PRDM5: variants seen among roughly 807,000 people sequenced by gnomAD.
PRDM5 encodes the protein PR domain zinc finger protein 5.
Under a neutral mutation model 81.2 loss-of-function variants are expected in PRDM5, and 56 were observed. The observed-to-expected ratio is 0.69, with a 90% CI of 0.56 to 0.86. PRDM5 has a LOEUF of 0.86. Among genes scored for constraint, PRDM5 ranks in the 40% least tolerant of loss-of-function variants. The pLI, the probability that PRDM5 is intolerant of heterozygous loss-of-function variation, is 0.00. For missense variants in PRDM5, 697 were observed against 770.1 expected (o/e 0.91, Z 1.12); for synonymous variants, 267 against 256.4 (o/e 1.04, Z -0.39).
chr4:120,845,175 G>T (rs1758517652), intron 3 of PRDM5, among the ~76,000 whole-genome samples: 1 of 152,220 alleles, frequency 6.6e-6, no homozygotes, highest in African/African-American at 2.4e-5. Flanking sequence ...AGAAGCTGCA[G>T]CAAGTTATCC....
chr4:120,721,937 C>A (rs1418715796), intron 14 of PRDM5, among the ~76,000 whole-genome samples: 1 of 152,170 alleles, frequency 6.6e-6, no homozygotes, highest in African/African-American at 2.4e-5. Context: ...ATGGTGGGCA[C>A]GCGGGTGCCC....
intron 14 of PRDM5, among the ~76,000 whole-genome samples, chr4:120,714,574 C>T (rs1737481333): frequency 6.6e-6 from 1 of 152,112 alleles, no homozygotes; most frequent in African/African-American, 2.4e-5. Flanking sequence ...TGAAAATATT[C>T]TAGGCATTTA....
intron 14 of PRDM5, among the ~76,000 whole-genome samples, chr4:120,750,719 C>T (rs1966080): frequency 0.053 from 6,949 of 131,592 alleles, 322 homozygotes; most frequent in Middle Eastern, 0.17. Context: ...CACACACACA[C>T]GCGCACACAA....
chr4:120,908,996 T>C (rs1480183848), intron 1 of PRDM5, among the ~76,000 whole-genome samples: 2 of 152,136 alleles, frequency 1.3e-5, no homozygotes, highest in Non-Finnish European at 2.9e-5. Flanking sequence ...TGATGGCAGG[T>C]AGGAAAAGCT....
intron 8 of PRDM5, among the ~76,000 whole-genome samples, chr4:120,807,279 G>A (rs930865970): frequency 6.6e-6 from 1 of 152,228 alleles, no homozygotes; most frequent in African/African-American, 2.4e-5. Context: ...AACCATTGTG[G>A]AAGACAGTGT....
intron 3 of PRDM5, among the ~76,000 whole-genome samples, chr4:120,840,493 G>A (rs115294050): frequency 6.6e-6 from 1 of 152,118 alleles, no homozygotes; most frequent in Admixed American, 6.5e-5. Flanking sequence ...CAGCAGGGTG[G>A]GTACAGTGAC....
At chr4:120,711,174 C>A (rs572490540) in intron 14 of PRDM5, among the ~76,000 whole-genome samples, 4 of 152,248 alleles carry the variant, frequency 2.6e-5, no homozygotes, top group African/African-American at 9.6e-5. Context: ...AGTTTGAGAA[C>A]CCTTGATCTA....
chr4:120,906,723 T>C (rs934326507), intron 2 of PRDM5, among the ~76,000 whole-genome samples: 1 of 152,184 alleles, frequency 6.6e-6, no homozygotes, highest in Non-Finnish European at 1.5e-5. Flanking sequence ...GTCTCTAGTG[T>C]TACAACTCCT....
chr4:120,915,939 A>G (rs1246860294), intron 1 of PRDM5, among the ~76,000 whole-genome samples: 1 of 152,160 alleles, frequency 6.6e-6, no homozygotes, highest in African/African-American at 2.4e-5. Context: ...CCAAAAAATA[A>G]CACAGCGAAG....
At chr4:120,863,217 C>CACACACAA (rs1760832808) in intron 2 of PRDM5, among the ~76,000 whole-genome samples, 1 of 142,392 alleles carries the variant, frequency 7.0e-6, no homozygotes, top group African/African-American at 2.7e-5. Context: ...CACACACACA[C>CACACACAA]ACACACACAT....
At chr4:120,706,810 C>G (rs1193559397) in intron 15 of PRDM5, among the ~76,000 whole-genome samples, 3 of 148,562 alleles carry the variant, frequency 2.0e-5, no homozygotes, top group African/African-American at 7.4e-5. Flanking sequence ...AATTTGCCAA[C>G]AAACTGGTAA....
At chr4:120,851,003 T>C (rs1759202154) in intron 3 of PRDM5, among the ~76,000 whole-genome samples, 1 of 152,088 alleles carries the variant, frequency 6.6e-6, no homozygotes. Context: ...TTCCATTAAC[T>C]AAAGGGATCA....
rs80141251 is a variant in PRDM5, at chr4:120,867,943, A to T, written c.178-14403T>A. On this transcript the variant is annotated intron_variant, in intron 2 of 15. Transcript: ENST00000264808. The stretch of plus-strand genomic sequence containing the variant: ...CCTTCCAAATGTGTTCACTGAGTGA[A>T]ATGGGAACAACATTGGGCGCTGCCA... Among the ~76,000 whole-genome samples the T allele has an allele frequency of 8.6e-3, 1,304 of 152,342 alleles. 19 individuals are homozygous for T. Among genetic ancestry groups the T allele is most frequent in the African/African-American group, 0.03 (1,246 of 41,586 alleles).
intron 7 of PRDM5, chr4:120,812,807 T>C (rs1350035087): frequency 7.5e-6 from 3 of 401,896 alleles, no homozygotes; most frequent in Non-Finnish European, 1.4e-5. Context: ...CTTTTCCATG[T>C]ACTAATACTG....
chr4:120,712,789 T>A (rs1737198032), intron 14 of PRDM5, among the ~76,000 whole-genome samples: 1 of 152,266 alleles, frequency 6.6e-6, no homozygotes, highest in Non-Finnish European at 1.5e-5. Flanking sequence ...TCATATTTAC[T>A]AATTTTCAAT....
chr4:120,719,762 T>C (rs1328035530), intron 14 of PRDM5, among the ~76,000 whole-genome samples: 1 of 152,216 alleles, frequency 6.6e-6, no homozygotes, highest in Non-Finnish European at 1.5e-5. Flanking sequence ...TGGGGATTCA[T>C]TATCCTATTC....
intron 1 of PRDM5, among the ~76,000 whole-genome samples, chr4:120,913,042 G>C (rs1233722468): frequency 1.3e-5 from 2 of 152,194 alleles, no homozygotes; most frequent in Non-Finnish European, 2.9e-5. Flanking sequence ...GGAAGTCTGA[G>C]GCAGACTAGT....
intron 14 of PRDM5, among the ~76,000 whole-genome samples, chr4:120,726,609 G>A (rs770041797): frequency 6.6e-6 from 1 of 152,110 alleles, no homozygotes; most frequent in African/African-American, 2.4e-5. Context: ...AAGAAGATTC[G>A]ATTAACATAA....
chr4:120,817,362 A>G (rs912189712), intron 5 of PRDM5, among the ~76,000 whole-genome samples: 9 of 152,328 alleles, frequency 5.9e-5, no homozygotes, highest in African/African-American at 2.2e-4. Context: ...AATGTAGCAT[A>G]TTTCAGAATT....
Sources: allele counts gnomAD v4.1 joint callset (sites outside exome capture counted in the v4.1 genomes callset), GRCh38; gene constraint gnomAD v4.1.1; transcripts MANE v1.5; gene names NCBI Gene and HGNC (gene_info 2026-07-23, HGNC 2026-07-21).